Variants in CXADR observed in about 807,000 individuals in gnomAD.
CXADR encodes coxsackievirus and adenovirus receptor.
CXADR carries 20 observed loss-of-function variants against 40.3 expected under a neutral mutation model. The observed-to-expected ratio is 0.50, with a 90% confidence interval of 0.35 to 0.72. The LOEUF (loss-of-function observed/expected upper bound fraction) is 0.72, where lower values mean the gene tolerates loss of function less well. Ranked by LOEUF, CXADR falls within the 30% of genes least tolerant of loss-of-function variation. CXADR has a pLI of 0.01. For missense variants in CXADR, 332 were observed against 449.1 expected (o/e 0.74, Z 2.36); for synonymous variants, 150 against 161.3 (o/e 0.93, Z 0.53).
downstream of CXADR, among the ~76,000 whole-genome samples, chr21:17,597,661 A>G (rs1354981073): frequency 6.6e-6 from 1 of 152,134 alleles, no homozygotes; most frequent in Non-Finnish European, 1.5e-5. Context: ...ATATACATAG[A>G]ATCCTAAATT....
At chr21:17,582,244 G>T (rs1375585581) in intron 7 of CXADR, among the ~76,000 whole-genome samples, 4 of 152,056 alleles carry the variant, frequency 2.6e-5, no homozygotes, top group Non-Finnish European at 5.9e-5. Flanking sequence ...ACTGCTAACC[G>T]CAGGTGATGC....
rs116898279 is a variant in CXADR at position 17,513,186 on chromosome 21, A to C, written c.43+14A>C. On this transcript the variant is annotated intron_variant, in intron 1 of 6. Coordinates refer to ENST00000284878, the MANE Select transcript of CXADR (RefSeq NM_001338.5). ...GCGGAGTAGTGGGTGAGTAGGGGCC[A>C]TGGGGTCCTCAGCACCCGCCCAGCC... 3.4e-3 allele frequency: 4,682 copies of C among 1,362,642 alleles called. 188 individuals are homozygous for C. The East Asian group carries it at 0.098, about 29-fold the overall frequency. 84.4% of individuals were successfully genotyped at this position (1,362,642 alleles called of 1,614,324 possible).
rs150282643 is a variant in CXADR at position 17,587,061 on chromosome 21, C to T, written c.1018-6091C>T. Among the ~76,000 whole-genome samples the T allele has an allele frequency of 6.3e-3, 963 of 152,308 alleles. 59 individuals carry two copies. In the East Asian group the frequency reaches 0.13, roughly 21 times the overall value. ...GCTTCATCCATGTCCCTACAAAGGA[C>T]ATGAACTCATCATTTTTTATGGCTG... On this transcript the variant is annotated intron_variant, in intron 7 of 7. Transcript: ENST00000400169.
chr21:17,605,411 G>A, the CXADR span, among the ~76,000 whole-genome samples: 1 of 152,000 alleles, frequency 6.6e-6, no homozygotes, highest in African/African-American at 2.4e-5. Flanking sequence ...AAATGCTTAC[G>A]ACAAATTCTG....
At chr21:17,518,475 A>G in intron 1 of CXADR, 2 of 759,452 alleles carry the variant, frequency 2.6e-6, no homozygotes, top group South Asian at 3.0e-5. Context: ...CTTTGGAACC[A>G]CATAGCTGAT....
exon 8 of CXADR, chr21:17,593,167 A>G: frequency 6.9e-7 from 1 of 1,457,824 alleles, no homozygotes; most frequent in Non-Finnish European, 9.1e-7. Context: ...GTACCCTTAC[A>G]AGACTGATGG....
rs2061247170 is a variant in CXADR at position 17,568,701 on chromosome 21, T to G, written c.*3009T>G. ...CCGCAGCATCCAGCCAGTTCTGTAC[T>G]TTGAATATGGAGTAGTTTACAGCTA... On this transcript the variant is annotated 3_prime_UTR_variant, in exon 7 of 7. Transcript: ENST00000284878. The G allele has an allele frequency of 1.6e-5, 16 of 985,278 alleles. No individual in the cohort carries two copies. Among genetic ancestry groups the G allele is most frequent in the Non-Finnish European group, 1.9e-5 (16 of 829,918 alleles). The allele number at this position is 985,278 out of a possible 1,614,324, so 61.0% of individuals were successfully genotyped here.
intron 7 of CXADR, among the ~76,000 whole-genome samples, chr21:17,592,682 C>T (rs980496528): frequency 1.3e-5 from 2 of 151,046 alleles, no homozygotes; most frequent in African/African-American, 2.4e-5. Flanking sequence ...ATTGATAAAA[C>T]GCATCTCCCT....
chr21:17,609,284 T>C, the CXADR span: 1 of 859,638 alleles, frequency 1.2e-6, no homozygotes, highest in Non-Finnish European at 1.7e-6. Context: ...CTTTGGCTTA[T>C]ATCTGAAGTA....
chr21:17,571,980 G>T (rs2123354031), downstream of CXADR, among the ~76,000 whole-genome samples: 1 of 152,226 alleles, frequency 6.6e-6, no homozygotes, highest in South Asian at 2.1e-4. Context: ...TGGATATTTA[G>T]TAAGAAACCT....
intron 3 of CXADR, among the ~76,000 whole-genome samples, chr21:17,554,166 C>A (rs1011766864): frequency 2.0e-5 from 3 of 152,124 alleles, no homozygotes; most frequent in African/African-American, 7.2e-5. Flanking sequence ...TGTGGACAAG[C>A]ATGTTTGTGT....
At position 17,569,214 on chromosome 21, in the gene CXADR, A is replaced by G. The variant is rs1340749844; in HGVS notation, c.*3522A>G. The G allele has an allele frequency of 2.0e-6, 2 of 985,266 alleles. No homozygotes were observed. Among genetic ancestry groups the G allele is most frequent in the South Asian group, 4.7e-5 (1 of 21,292 alleles). The allele number at this position is 985,266 out of a possible 1,614,324, so 61.0% of individuals were successfully genotyped here. A position where few individuals can be genotyped will look rare whatever the true frequency, so the allele number is the denominator to read the frequency against. On this transcript the variant is annotated 3_prime_UTR_variant, in exon 7 of 7. Transcript: ENST00000284878. ...AGTTTTTTCTTCTAATTTTCACTTC[A>G]GCAGTGTTTAGGGCTTTCAGATGCC...
At chr21:17,604,789 G>A in the CXADR span, 14 of 1,529,774 alleles carry the variant, frequency 9.2e-6, no homozygotes, top group Admixed American at 7.7e-5. Context: ...CAGGCAGGCC[G>A]TACATGACAG....
At chr21:17,619,640 C>T in the CXADR span, among the ~76,000 whole-genome samples, 1 of 151,298 alleles carries the variant, frequency 6.6e-6, no homozygotes, top group Non-Finnish European at 1.5e-5. Flanking sequence ...CTTTGAAGAT[C>T]TGAAGTGAGG....
intron 2 of CXADR, among the ~76,000 whole-genome samples, chr21:17,551,354 T>A (rs1338767377): frequency 6.6e-6 from 1 of 151,914 alleles, no homozygotes; most frequent in Non-Finnish European, 1.5e-5. Flanking sequence ...GATCTCACCA[T>A]TGCACTCCAG....
chr21:17,551,672 A>G, intron 2 of CXADR, 77 bp from the exon 3 acceptor site: 1 of 1,307,388 alleles, frequency 7.6e-7, no homozygotes, highest in Non-Finnish European at 1.1e-6. Flanking sequence ...CAGCAGGTGT[A>G]TCCAGGGCTC....
In CXADR at chr21:17,568,319, AG is replaced by A. The variant is rs1654337194; in HGVS notation, c.*2630del. The A allele has an allele frequency of 2.4e-5, 19 of 800,340 alleles. No individual in the cohort carries two copies. The highest frequency in any genetic ancestry group is 2.9e-5 in the Non-Finnish European group (19 of 661,910). The allele number at this position is 800,340 out of a possible 1,614,324, so 49.6% of individuals were successfully genotyped here. On this transcript the variant is annotated 3_prime_UTR_variant, in exon 7 of 7. Coordinates refer to ENST00000284878, the MANE Select transcript of CXADR (RefSeq NM_001338.5). ...AAGTTTTTGTAATTTTAGTAGAGAC[AG>A]GGTTTCACCGTGTTAGCCAGGATGG...
chr21:17,535,841 T>C (rs1033130487), intron 1 of CXADR, among the ~76,000 whole-genome samples: 2 of 152,000 alleles, frequency 1.3e-5, no homozygotes, highest in African/African-American at 4.8e-5. Context: ...ACCCCATCTC[T>C]ACAAAAAAAT....
chr21:17,516,310 C>G (rs534283779), intron 1 of CXADR, among the ~76,000 whole-genome samples: 7 of 152,358 alleles, frequency 4.6e-5, no homozygotes, highest in African/African-American at 1.7e-4. Context: ...ACAGCAGCCA[C>G]TTTCTCTTAC....
Sources: gnomAD v4.1 joint callset for allele counts (sites outside exome capture counted in the v4.1 genomes callset) on GRCh38, gnomAD v4.1.1 for gene constraint, MANE v1.5 for transcripts, NCBI Gene and HGNC (gene_info 2026-07-23, HGNC 2026-07-21) for gene names.